Variants in CCDC178 observed in about 807,000 individuals in gnomAD.
The protein encoded by CCDC178 is coiled-coil domain-containing protein 178.
Under a neutral mutation model 117.4 loss-of-function variants are expected in CCDC178, and 126 were observed. The observed-to-expected ratio is 1.07, with a 90% CI of 0.93 to 1.24. The LOEUF (loss-of-function observed/expected upper bound fraction) is 1.24. Ranked by LOEUF, CCDC178 falls within the 50% of genes most tolerant of loss-of-function variation. CCDC178 has a pLI of 0.00. For synonymous variants in CCDC178, 283 were observed against 313.4 expected (o/e 0.90, Z 1.02); for missense variants, 1,030 against 986.9 (o/e 1.04, Z -0.59).
intron 20 of CCDC178, among the ~76,000 whole-genome samples, chr18:33,094,402 A>C (rs1363445513): frequency 6.6e-6 from 1 of 152,036 alleles, no homozygotes; most frequent in Non-Finnish European, 1.5e-5. Context: ...TTAAAATCCA[A>C]TCCTGAAGTG....
At chr18:33,226,900 C>T (rs145471109) in intron 15 of CCDC178, 45 bp from the exon 16 acceptor site, 2 of 1,037,832 alleles carry the variant, frequency 1.9e-6, no homozygotes, top group Non-Finnish European at 1.4e-6. Context: ...CTTCATAAAA[C>T]ATCAAAAACA....
intron 2 of CCDC178, among the ~76,000 whole-genome samples, chr18:33,424,246 T>C (rs1185553196): frequency 1.3e-5 from 2 of 152,150 alleles, no homozygotes; most frequent in African/African-American, 2.4e-5. Flanking sequence ...ATGTCTTTTG[T>C]AAAGAAGATA....
At chr18:33,251,532 A>G (rs1213661111) in intron 14 of CCDC178, among the ~76,000 whole-genome samples, 1 of 151,740 alleles carries the variant, frequency 6.6e-6, no homozygotes, top group East Asian at 1.9e-4. Flanking sequence ...AAGCTTAAAC[A>G]TGAGGGCCTC....
chr18:33,031,189 G>T (rs545486175), intron 21 of CCDC178, among the ~76,000 whole-genome samples: 4 of 149,574 alleles, frequency 2.7e-5, no homozygotes, highest in Non-Finnish European at 5.9e-5. Flanking sequence ...GAATATTTTC[G>T]AGTGTGCAAT....
Position 33,293,280 on chromosome 18 carries a change from T to C in CCDC178, c.1055A>G (p.Asp352Gly), listed in dbSNP as rs778455899. Residue 352 changes from aspartate (D) to glycine (G), a missense_variant, in exon 12 of 23, where the codon GAT becomes GGT. By Grantham distance (94) the Asp-to-Gly change is moderately conservative. Coordinates refer to ENST00000383096, the MANE Select transcript of CCDC178 (RefSeq NM_001105528.4). ...ATTTATCACTGATGAAGAGTAATGA[T>C]CAAATAGACTGTTAAGTTGATATAT... ...REIYQLNSLF[D>G]HYSSSVINVN... is the part of the protein sequence containing the mutation. 6.5e-7 allele frequency: 1 copy of C among 1,537,346 alleles called. No individual in the cohort carries two copies.
chr18:32,984,483 T>A (rs1279292859), intron 21 of CCDC178, among the ~76,000 whole-genome samples: 1 of 149,886 alleles, frequency 6.7e-6, no homozygotes, highest in African/African-American at 2.5e-5. Flanking sequence ...CCTTCTTAGT[T>A]TGATAATTTG....
intron 20 of CCDC178, among the ~76,000 whole-genome samples, chr18:33,116,743 G>C (rs2057862232): frequency 8.4e-6 from 1 of 118,628 alleles, no homozygotes; most frequent in East Asian, 2.3e-4. Context: ...AGAACCCCCT[G>C]TCAAAGCCCC....
At chr18:33,261,579 C>T (rs1022551747) in intron 14 of CCDC178, among the ~76,000 whole-genome samples, 34 of 152,058 alleles carry the variant, frequency 2.2e-4, no homozygotes, top group Non-Finnish European at 3.8e-4. Flanking sequence ...TTTCTGATTG[C>T]TGTTGCTATC....
intron 10 of CCDC178, among the ~76,000 whole-genome samples, chr18:33,328,441 T>C (rs1007121128): frequency 6.6e-6 from 1 of 152,128 alleles, no homozygotes; most frequent in Admixed American, 6.5e-5. Context: ...GTTTAAGCTC[T>C]TATATTTATG....
chr18:33,337,079 A>T (rs1353947389), intron 9 of CCDC178, among the ~76,000 whole-genome samples: 1 of 149,956 alleles, frequency 6.7e-6, no homozygotes, highest in Non-Finnish European at 1.5e-5. Context: ...TTCTTTCAGC[A>T]GTGTTATGTA....
chr18:33,128,764 C>T (rs962481064), intron 20 of CCDC178, among the ~76,000 whole-genome samples: 3 of 152,132 alleles, frequency 2.0e-5, no homozygotes, highest in African/African-American at 4.8e-5. Context: ...CATTTTACCC[C>T]GCACCAGGAA....
At chr18:32,956,111 ATATTTT>A (rs1273945354) in intron 22 of CCDC178, among the ~76,000 whole-genome samples, 1 of 152,260 alleles carries the variant, frequency 6.6e-6, no homozygotes, top group East Asian at 1.9e-4. Flanking sequence ...AATTTTACAA[ATATTTT>A]TAAGTGAGAA....
chr18:32,950,417 T>C (rs527446384), intron 22 of CCDC178, among the ~76,000 whole-genome samples: 23 of 152,214 alleles, frequency 1.5e-4, no homozygotes, highest in Non-Finnish European at 3.1e-4. Flanking sequence ...TCTTAACTGA[T>C]GACCAATGGC....
intron 21 of CCDC178, among the ~76,000 whole-genome samples, chr18:33,025,483 T>C (rs926489956): frequency 1.4e-4 from 21 of 152,114 alleles, no homozygotes; most frequent in African/African-American, 4.6e-4. Context: ...GAGAAAATAT[T>C]TGTAAGTCAC....
At chr18:33,098,821 G>A (rs945397935) in intron 20 of CCDC178, among the ~76,000 whole-genome samples, 2 of 151,804 alleles carry the variant, frequency 1.3e-5, no homozygotes, top group African/African-American at 4.8e-5. Context: ...GTTAGGCCAG[G>A]AATTAAAAAA....
At chr18:33,280,880 A>G (rs2060016370) in intron 12 of CCDC178, among the ~76,000 whole-genome samples, 1 of 152,060 alleles carries the variant, frequency 6.6e-6, no homozygotes. Context: ...GCATGTTCTC[A>G]CTCATAGATG....
intron 21 of CCDC178, among the ~76,000 whole-genome samples, chr18:33,006,510 T>C (rs1431102825): frequency 6.6e-6 from 1 of 152,124 alleles, no homozygotes; most frequent in African/African-American, 2.4e-5. Context: ...AAGTATTGTA[T>C]GTGTAGATAC....
At chr18:33,440,285 T>TGAGGACTG (rs2064362181) in intron 1 of CCDC178, among the ~76,000 whole-genome samples, 3 of 18,596 alleles carry the variant, frequency 1.6e-4, no homozygotes, top group African/African-American at 3.9e-4. Context: ...CCCCCGGCAG[T>TGAGGACTG]GGGGACTGGG....
chr18:32,984,405 T>G lies in CCDC178; in HGVS notation c.2389-9724A>C, dbSNP rs376015156. ...ACTTTATAATGATAATACACACTAT[T>G]ACATATAACAGATAATAATTCATCT... On this transcript the variant is annotated intron_variant, in intron 21 of 22. Coordinates refer to ENST00000383096, the MANE Select transcript of CCDC178 (RefSeq NM_001105528.4). 6.6e-5 allele frequency among the ~76,000 whole-genome samples: 10 copies of G among 152,042 alleles called. No homozygotes were observed. The East Asian group carries it at 1.5e-3, about 23-fold the overall frequency.
Sources: gnomAD v4.1 joint callset for allele counts (sites outside exome capture counted in the v4.1 genomes callset) on GRCh38, gnomAD v4.1.1 for gene constraint, MANE v1.5 for transcripts, NCBI Gene and HGNC (gene_info 2026-07-23, HGNC 2026-07-21) for gene names.